Variants in RPL37 observed in about 807,000 individuals in gnomAD.
The protein encoded by RPL37 is ribosomal protein L37.
In RPL37, 1 loss-of-function variant was observed where a neutral mutation model predicts 14.8. That is an observed-to-expected ratio of 0.07 (90% CI 0.02 to 0.32). RPL37 has a LOEUF of 0.32. Ranked by LOEUF, RPL37 falls within the 10% of genes least tolerant of loss-of-function variation. RPL37 has a pLI of 1.00. For missense variants in RPL37, 100 were observed against 128.3 expected (o/e 0.78, Z 1.06); for synonymous variants, 53 against 45.8 (o/e 1.16, Z -0.63).
rs1036917117 is a variant in RPL37 at position 40,832,342 on chromosome 5, A to G, written c.*162T>C. 1.4e-6 allele frequency: 1 copy of G among 701,530 alleles called. No individual in the cohort carries two copies. The highest frequency in any genetic ancestry group is 2.6e-6 in the Non-Finnish European group (1 of 383,084). The allele number at this position is 701,530 out of a possible 1,614,324, so 43.5% of individuals were successfully genotyped here. On this transcript the variant is annotated 3_prime_UTR_variant, in exon 4 of 4. Coordinates refer to ENST00000274242, the MANE Select transcript of RPL37 (RefSeq NM_000997.5). Reference sequence around the variant, plus strand: ...CCAGTCCAAAAGTAAACATTCCAAAACAGTCACTTAACAAGTAAATCTGAT... The same window carrying G: ...CCAGTCCAAAAGTAAACATTCCAAAGCAGTCACTTAACAAGTAAATCTGAT...
chr5:40,833,173 TG>T (rs1461886990), intron 3 of RPL37, among the ~76,000 whole-genome samples: 1 of 152,204 alleles, frequency 6.6e-6, no homozygotes, highest in Non-Finnish European at 1.5e-5. Flanking sequence ...CTTCAGCACA[TG>T]AACACACCTA....
In RPL37 at chr5:40,829,409, CTT is replaced by C. The variant is rs1174393721; in HGVS notation, c.*3093_*3094del. The C allele has an allele frequency of 1.3e-5, 2 of 152,176 alleles. No homozygotes were observed. Among genetic ancestry groups the C allele is most frequent in the African/African-American group, 2.4e-5 (1 of 41,450 alleles). 9.4% of individuals were successfully genotyped at this position (152,176 alleles called of 1,614,324 possible). On this transcript the variant is annotated 3_prime_UTR_variant, in exon 4 of 4. Coordinates refer to ENST00000274242, the MANE Select transcript of RPL37 (RefSeq NM_000997.5). ...TCTGATCGCTGCTCTTCCCTGAATT[CTT>C]TTCTTACCAACCCTACACCCCATCC...
At position 40,826,533 on chromosome 5, in the gene RPL37, AC is replaced by A. The variant is rs11302441; in HGVS notation, c.*5970del. On this transcript the variant is annotated 3_prime_UTR_variant, in exon 4 of 4. Coordinates refer to ENST00000274242, the MANE Select transcript of RPL37 (RefSeq NM_000997.5). ...AGGAGTTACTACCTTCTACTTTGAA[AC>A]CCAGTGAAAGGAACTTCAAGGAAGC... 0.38 allele frequency: 57,839 copies of A among 151,998 alleles called. 11,817 individuals are homozygous for A. The highest frequency in any genetic ancestry group is 0.48 in the Admixed American group (7,325 of 15,274). 9.4% of individuals were successfully genotyped at this position (151,998 alleles called of 1,614,324 possible). A position where few individuals can be genotyped will look rare whatever the true frequency, so the allele number is the denominator to read the frequency against.
chr5:40,833,461 G>A (rs1440197778), intron 3 of RPL37, among the ~76,000 whole-genome samples: 2 of 152,188 alleles, frequency 1.3e-5, no homozygotes, highest in Admixed American at 6.5e-5. Flanking sequence ...TCTTTAATAT[G>A]CAGGTTCTCT....
At position 40,829,261 on chromosome 5, in the gene RPL37, A is replaced by G. The variant is rs1277146340; in HGVS notation, c.*3243T>C. 3 of 152,228 alleles carry G rather than the reference A, an allele frequency of 2.0e-5. No individual in the cohort carries two copies. Among genetic ancestry groups the G allele is most frequent in the Non-Finnish European group, 4.4e-5 (3 of 68,050 alleles). The allele number at this position is 152,228 out of a possible 1,614,324, so 9.4% of individuals were successfully genotyped here. On this transcript the variant is annotated 3_prime_UTR_variant, in exon 4 of 4. Transcript: ENST00000274242. ...TGAACTATTTAAGAACCTGTTACCT[A>G]GTTTCCAGCTTCAAGACTCATCACA...
chr5:40,834,366 T>C (rs903649086), intron 2 of RPL37, 101 bp from the exon 3 acceptor site: 18 of 1,565,956 alleles, frequency 1.1e-5, no homozygotes, highest in Non-Finnish European at 1.6e-5. Flanking sequence ...GGCATACAGA[T>C]GTACGAGTTT....
At position 40,832,133 on chromosome 5, in the gene RPL37, T is replaced by C. The variant is rs1298161687; in HGVS notation, c.*371A>G. ...CCCCTAGTCATGACAGCATAGCAGA[T>C]GAACATGTTGCTAAAGGTAATTTAA... On this transcript the variant is annotated 3_prime_UTR_variant, in exon 4 of 4. Coordinates refer to ENST00000274242, the MANE Select transcript of RPL37 (RefSeq NM_000997.5). 2 of 243,404 alleles carry C rather than the reference T, an allele frequency of 8.2e-6. No homozygotes were observed. Among genetic ancestry groups the C allele is most frequent in the African/African-American group, 2.2e-5 (1 of 45,524 alleles). 15.1% of individuals were successfully genotyped at this position (243,404 alleles called of 1,614,324 possible).
At chr5:40,834,883 C>G in intron 1 of RPL37, 1 of 606,016 alleles carries the variant, frequency 1.7e-6, no homozygotes, top group South Asian at 2.0e-5. Context: ...TTACACAGAG[C>G]CAAACATTCC....
At chr5:40,834,758 C>A in intron 1 of RPL37, 152 bp from the exon 2 acceptor site, 1 of 856,470 alleles carries the variant, frequency 1.2e-6, no homozygotes, top group East Asian at 2.6e-5. Flanking sequence ...AAGTCAGAGA[C>A]CACTACCCGC....
rs368383627 is a variant in RPL37, at chr5:40,832,450, G to T, written c.*54C>A. 3 of 1,455,524 alleles carry T rather than the reference G, an allele frequency of 2.1e-6. No homozygotes were observed. Among genetic ancestry groups the T allele is most frequent in the Non-Finnish European group, 1.9e-6 (2 of 1,037,158 alleles). The allele number at this position is 1,455,524 out of a possible 1,614,324, so 90.2% of individuals were successfully genotyped here. A position where few individuals can be genotyped will look rare whatever the true frequency, so the allele number is the denominator to read the frequency against. On this transcript the variant is annotated 3_prime_UTR_variant, in exon 4 of 4. Transcript: ENST00000274242. Reference sequence around the variant, plus strand: ...GATTAAAAATACCTTACCAAAACCAGATATGTATTTTTTAAAACCAGAACA... The same window carrying T: ...GATTAAAAATACCTTACCAAAACCATATATGTATTTTTTAAAACCAGAACA...
At position 40,831,327 on chromosome 5, in the gene RPL37, C is replaced by T. The variant is rs968902027; in HGVS notation, c.*1177G>A. Reference sequence around the variant, plus strand: ...ATCTTTAAAGTATAGTCTCACATTTCGGGAGGAAGCCCAAGAGAGATTTAA... The same window carrying T: ...ATCTTTAAAGTATAGTCTCACATTTTGGGAGGAAGCCCAAGAGAGATTTAA... On this transcript the variant is annotated 3_prime_UTR_variant, in exon 4 of 4. Coordinates refer to ENST00000274242, the MANE Select transcript of RPL37 (RefSeq NM_000997.5). 20 of 152,250 alleles carry T rather than the reference C, an allele frequency of 1.3e-4. No individual in the cohort carries two copies. The highest frequency in any genetic ancestry group is 3.4e-4 in the African/African-American group (14 of 41,412). 9.4% of individuals were successfully genotyped at this position (152,250 alleles called of 1,614,324 possible).
intron 3 of RPL37, 136 bp downstream of exon 3, chr5:40,834,045 A>C: frequency 1.5e-6 from 1 of 681,048 alleles, no homozygotes; most frequent in Non-Finnish European, 2.5e-6. Context: ...ACCCTGCCTC[A>C]AAAACAACAA....
At chr5:40,834,999 G>T in intron 1 of RPL37, 184 bp downstream of exon 1, 1 of 755,268 alleles carries the variant, frequency 1.3e-6, no homozygotes, top group Non-Finnish European at 2.2e-6. Context: ...CAATTACGGC[G>T]GGATAGGTCC....
Position 40,830,342 on chromosome 5 carries a change from C to G in RPL37, c.*2162G>C, listed in dbSNP as rs537155256. On this transcript the variant is annotated 3_prime_UTR_variant, in exon 4 of 4. Coordinates refer to ENST00000274242, the MANE Select transcript of RPL37 (RefSeq NM_000997.5). ...AGACAATAGGTGGGGTGTGGTGGCT[C>G]GTCCCTGTAATCCCAGCACTTTGGG... The G allele has an allele frequency of 6.6e-6, 1 of 151,964 alleles. No individual in the cohort carries two copies. Among genetic ancestry groups the G allele is most frequent in the African/African-American group, 2.4e-5 (1 of 41,336 alleles). 9.4% of individuals were successfully genotyped at this position (151,964 alleles called of 1,614,324 possible). A position where few individuals can be genotyped will look rare whatever the true frequency, so the allele number is the denominator to read the frequency against.
rs1480999690 is a variant in RPL37 at position 40,830,267 on chromosome 5, CATAACT to C, written c.*2231_*2236del. The C allele has an allele frequency of 3.9e-5, 6 of 152,208 alleles. No individual in the cohort carries two copies. Among genetic ancestry groups the C allele is most frequent in the East Asian group, 1.9e-4 (1 of 5,182 alleles). The allele number at this position is 152,208 out of a possible 1,614,324, so 9.4% of individuals were successfully genotyped here. On this transcript the variant is annotated 3_prime_UTR_variant, in exon 4 of 4. Transcript: ENST00000274242. ...ATTTAAAGTATAATGGGTATCTATA[CATAACT>C]ATAACTTAAGGCAGGACTGAAGTGC...
At chr5:40,834,355 C>T in intron 2 of RPL37, 90 bp from the exon 3 acceptor site, 9 of 1,553,602 alleles carry the variant, frequency 5.8e-6, no homozygotes, top group South Asian at 1.1e-5. Context: ...GCCACCTCAT[C>T]GGCATACAGA....
intron 3 of RPL37, among the ~76,000 whole-genome samples, chr5:40,833,263 G>A (rs147170297): frequency 2.4e-4 from 36 of 152,280 alleles, no homozygotes; most frequent in African/African-American, 8.4e-4. Flanking sequence ...AGAGGCTAGG[G>A]ATTCTGCAAA....
rs1745633979 is a variant in RPL37, at chr5:40,831,202, T to C, written c.*1302A>G. ...CAGAAGGCTGAGGCAGGAGAACCAC[T>C]TGACTTGAGCCCAGGAATTAGAGGC... is the stretch of plus-strand genomic sequence containing the variant. On this transcript the variant is annotated 3_prime_UTR_variant, in exon 4 of 4. Coordinates refer to ENST00000274242, the MANE Select transcript of RPL37 (RefSeq NM_000997.5). The C allele has an allele frequency of 6.6e-6, 1 of 152,300 alleles. No individual in the cohort carries two copies. Among genetic ancestry groups the C allele is most frequent in the East Asian group, 1.9e-4 (1 of 5,274 alleles). 9.4% of individuals were successfully genotyped at this position (152,300 alleles called of 1,614,324 possible).
rs1480949974 is a variant in RPL37 at position 40,828,199 on chromosome 5, T to TC, written c.*4304dup. On this transcript the variant is annotated 3_prime_UTR_variant, in exon 4 of 4. Transcript: ENST00000274242. ...ATTCAGGTAAAGACAAAAGAATGGC[T>TC]CCTTATCATTCAACTTAACCAACCT... 2.0e-5 allele frequency: 3 copies of TC among 152,140 alleles called. No homozygotes were observed. The highest frequency in any genetic ancestry group is 2.9e-5 in the Non-Finnish European group (2 of 68,032). The allele number at this position is 152,140 out of a possible 1,614,324, so 9.4% of individuals were successfully genotyped here.
Sources: gnomAD v4.1 joint callset for allele counts (sites outside exome capture counted in the v4.1 genomes callset) on GRCh38, gnomAD v4.1.1 for gene constraint, MANE v1.5 for transcripts, NCBI Gene and HGNC (gene_info 2026-07-23, HGNC 2026-07-21) for gene names.